The following VPS33A variants were observed in gnomAD, a reference collection of about 807,000 sequenced individuals.
VPS33A encodes VPS33A core subunit of CORVET and HOPS complexes.
VPS33A carries 32 observed loss-of-function variants against 71.8 expected under a neutral mutation model. The observed-to-expected ratio is 0.45, with a 90% confidence interval of 0.34 to 0.60. The LOEUF (loss-of-function observed/expected upper bound fraction) is 0.60. Among genes scored for constraint, VPS33A ranks in the 20% least tolerant of loss-of-function variants. The pLI is 0.02. For synonymous variants in VPS33A, 311 were observed against 292.7 expected, an observed-to-expected ratio of 1.06 and a Z score of -0.64; for missense variants, 625 against 748.5, an observed-to-expected ratio of 0.84 and a Z score of 1.92.
chr12:122,262,757 A>C (rs1955013477), intron 3 of VPS33A, among the ~76,000 whole-genome samples: 1 of 151,994 alleles, frequency 6.6e-6, no homozygotes, highest in African/African-American at 2.4e-5. Context: ...GGCTATCTTG[A>C]AAGAATGGGT....
Position 122,231,970 on chromosome 12 carries a change from T to C in VPS33A, c.*276A>G. 2 of 407,018 alleles carry C rather than the reference T, an allele frequency of 4.9e-6. No individual in the cohort carries two copies. Among genetic ancestry groups the C allele is most frequent in the South Asian group, 1.1e-4 (1 of 9,168 alleles). The allele number at this position is 407,018 out of a possible 1,614,324, so 25.2% of individuals were successfully genotyped here. On this transcript the variant is annotated 3_prime_UTR_variant, in exon 13 of 13. Transcript: ENST00000267199. ...TACTCAGGAGGCTGAGGCAGGAGAA[T>C]TGCTTGAACCTAGGAGGTGGAGGTT...
chr12:122,244,812 AC>A, intron 6 of VPS33A, 50 bp from the exon 7 acceptor site: 2 of 1,549,308 alleles, frequency 1.3e-6, no homozygotes, highest in Non-Finnish European at 1.8e-6. Context: ...GACTGGAAGA[AC>A]CAATCCGGTA....
chr12:122,250,162 C>T, intron 5 of VPS33A, 117 bp from the exon 6 acceptor site: 1 of 1,124,326 alleles, frequency 8.9e-7, no homozygotes, highest in African/African-American at 1.6e-5. Context: ...TGGAAGAGTG[C>T]ATTGCTTAGA....
chr12:122,240,061 C>T, intron 8 of VPS33A, 116 bp from the exon 9 acceptor site: 2 of 759,360 alleles, frequency 2.6e-6, no homozygotes, highest in Non-Finnish European at 4.4e-6. Context: ...GGCACGGTGG[C>T]TCACACCTGT....
intron 6 of VPS33A, among the ~76,000 whole-genome samples, chr12:122,247,514 A>C (rs1364324954): frequency 6.6e-6 from 1 of 152,050 alleles, no homozygotes; most frequent in African/African-American, 2.4e-5. Context: ...TTTGACAAAC[A>C]ATAATAATAA....
At chr12:122,263,293 T>C (rs895644082) in intron 3 of VPS33A, among the ~76,000 whole-genome samples, 2 of 152,140 alleles carry the variant, frequency 1.3e-5, no homozygotes, top group African/African-American at 2.4e-5. Context: ...ATGCCCAGTC[T>C]CACTTTTTAA....
At chr12:122,262,263 C>T (rs946511765) in intron 3 of VPS33A, among the ~76,000 whole-genome samples, 7 of 152,086 alleles carry the variant, frequency 4.6e-5, no homozygotes, top group African/African-American at 1.7e-4. Flanking sequence ...TTTCTTCCCC[C>T]TGACAGGAAA....
chr12:122,262,354 A>G (rs2136152433), intron 3 of VPS33A, among the ~76,000 whole-genome samples: 1 of 152,324 alleles, frequency 6.6e-6, no homozygotes, highest in South Asian at 2.1e-4. Flanking sequence ...GTTGATTGAA[A>G]TAGGATATCT....
intron 6 of VPS33A, among the ~76,000 whole-genome samples, chr12:122,247,091 C>T (rs1368656220): frequency 6.6e-6 from 1 of 152,132 alleles, no homozygotes; most frequent in Non-Finnish European, 1.5e-5. Flanking sequence ...GTGGTTGTCC[C>T]AAGGTTTGGG....
At chr12:122,239,779 A>AAAAAAAAAAAAAAAAAAAAAAT in intron 9 of VPS33A, 99 bp downstream of exon 9, 1 of 507,358 alleles carries the variant, frequency 2.0e-6, no homozygotes, top group Non-Finnish European at 3.4e-6. Context: ...AAAAAAAAAA[A>AAAAAAAAAAAAAAAAAAAAAAT]GGCAAGGCAT....
At chr12:122,254,107 T>C (rs1211382573) in intron 4 of VPS33A, among the ~76,000 whole-genome samples, 1 of 152,112 alleles carries the variant, frequency 6.6e-6, no homozygotes, top group East Asian at 1.9e-4. Flanking sequence ...TATATACGCG[T>C]AAAGGCCACA....
intron 4 of VPS33A, among the ~76,000 whole-genome samples, chr12:122,256,322 C>T (rs1387174461): frequency 1.3e-5 from 2 of 151,938 alleles, no homozygotes; most frequent in Non-Finnish European, 2.9e-5. Context: ...ACCTGCAGTC[C>T]CAGCAGTTTG....
chr12:122,238,586 C>A lies in VPS33A; in HGVS notation c.1302+1G>T. 6.2e-7 allele frequency: 1 copy of A among 1,604,056 alleles called. No individual in the cohort carries two copies. The highest frequency in any genetic ancestry group is 8.5e-7 in the Non-Finnish European group (1 of 1,177,078). On this transcript the variant is annotated splice_donor_variant, in intron 10 of 12. Transcript: ENST00000267199. LOFTEE classifies it high-confidence loss of function. ...AATTAATAATTTAAAAATATACTCA[C>A]CTGGAGAATCTCTCTTTTGTAATAA...
intron 11 of VPS33A, among the ~76,000 whole-genome samples, chr12:122,235,510 C>T (rs150517170): frequency 6.6e-6 from 1 of 151,872 alleles, no homozygotes; most frequent in Non-Finnish European, 1.5e-5. Context: ...GTGATCTGCC[C>T]GCCTCGGCCT....
rs756221452 is a variant in VPS33A, at chr12:122,263,621, C to CA, written c.246dup (p.Val83CysfsTer13). 3.1e-6 allele frequency: 5 copies of CA among 1,611,814 alleles called. No homozygotes were observed. The highest frequency in any genetic ancestry group is 3.4e-6 in the Non-Finnish European group (4 of 1,178,822). On this transcript the variant is annotated frameshift_variant, in exon 3 of 13. Transcript: ENST00000267199. LOFTEE classifies it high-confidence loss of function. Reference sequence around the variant, plus strand: ...TCCATCAACTCTAGCCTGGGTCTGACAAAAAAAATTATATTCTTCACATCA... The same window carrying CA: ...TCCATCAACTCTAGCCTGGGTCTGACAAAAAAAAATTATATTCTTCACATCA...
chr12:122,238,687 T>G lies in VPS33A; in HGVS notation c.1202A>C (p.His401Pro). Reference protein sequence around the residue: ...NYIEDCIAQKHSLIKVLRLVC... With the variant: ...NYIEDCIAQKPSLIKVLRLVC... Reference sequence around the variant, plus strand: ...TAGTCTTAACACCTTGATCAACGAGTGCTTTTGGGCGATACAATCCTCAAT... The same window carrying G: ...TAGTCTTAACACCTTGATCAACGAGGGCTTTTGGGCGATACAATCCTCAAT... Residue 401 changes from histidine to proline, a missense_variant, in exon 10 of 13, where the codon CAC (histidine) becomes CCC (proline). His to Pro is a moderately conservative substitution (Grantham distance 77, BLOSUM62 -2). Transcript: ENST00000267199. 6.2e-7 allele frequency: 1 copy of G among 1,613,688 alleles called. No individual in the cohort carries two copies. Among genetic ancestry groups the G allele is most frequent in the Non-Finnish European group, 8.5e-7 (1 of 1,179,958 alleles).
chr12:122,240,139 C>T (rs1006232003), intron 8 of VPS33A, among the ~76,000 whole-genome samples, 194 bp from the exon 9 acceptor site: 1 of 151,986 alleles, frequency 6.6e-6, no homozygotes, highest in Non-Finnish European at 1.5e-5. Flanking sequence ...ACCAGCCTGA[C>T]CAACATGGCC....
At chr12:122,248,894 C>T (rs1329370896) in intron 6 of VPS33A, 1 of 152,220 alleles carries the variant, frequency 6.6e-6, no homozygotes, top group African/African-American at 2.4e-5. Context: ...CTGGCCAACT[C>T]TTGTGTCACC....
At chr12:122,250,337 G>A (rs1247050305) in intron 5 of VPS33A, among the ~76,000 whole-genome samples, 1 of 152,188 alleles carries the variant, frequency 6.6e-6, no homozygotes, top group African/African-American at 2.4e-5. Flanking sequence ...TAGCGAAGAT[G>A]GAACCACTGT....
Sources: gnomAD v4.1 joint callset for allele counts (sites outside exome capture counted in the v4.1 genomes callset) on GRCh38, gnomAD v4.1.1 for gene constraint, MANE v1.5 for transcripts, NCBI Gene and HGNC (gene_info 2026-07-23, HGNC 2026-07-21) for gene names.